Variants in SPAG16 observed in about 807,000 individuals in gnomAD.
SPAG16 encodes the protein sperm associated antigen 16.
SPAG16 carries 86 observed loss-of-function variants against 80.4 expected under a neutral mutation model. That is an observed-to-expected ratio of 1.07 (90% confidence interval 0.90 to 1.28). SPAG16 has a LOEUF of 1.28. SPAG16 is among the 50% of genes most tolerant of loss of function. The pLI is 0.00. For synonymous variants in SPAG16, 294 were observed against 265.9 expected, an observed-to-expected ratio of 1.11 and a Z score of -1.03; for missense variants, 870 against 765.3, an observed-to-expected ratio of 1.14 and a Z score of -1.61.
At chr2:213,995,033 T>A (rs1367492272) in intron 12 of SPAG16, among the ~76,000 whole-genome samples, 1 of 152,232 alleles carries the variant, frequency 6.6e-6, no homozygotes, top group Non-Finnish European at 1.5e-5. Context: ...ATTAAAAATA[T>A]GCTTTGATGG....
intron 10 of SPAG16, among the ~76,000 whole-genome samples, chr2:213,540,475 A>T (rs1449718360): frequency 1.4e-4 from 21 of 152,200 alleles, no homozygotes. Context: ...TTATTTTCAT[A>T]AATGTAAATA....
intron 9 of SPAG16, among the ~76,000 whole-genome samples, chr2:213,376,768 G>A (rs762031194): frequency 7.2e-5 from 11 of 152,076 alleles, no homozygotes; most frequent in Non-Finnish European, 1.3e-4. Context: ...TGCTATGTCT[G>A]TAAATTAATA....
At chr2:213,748,083 C>A (rs908817032) in intron 10 of SPAG16, among the ~76,000 whole-genome samples, 3 of 151,918 alleles carry the variant, frequency 2.0e-5, no homozygotes, top group African/African-American at 7.3e-5. Flanking sequence ...TGTATCAATT[C>A]TTTTTTTTCT....
At chr2:214,390,146 T>C (rs1367948026) in intron 15 of SPAG16, among the ~76,000 whole-genome samples, 1 of 152,160 alleles carries the variant, frequency 6.6e-6, no homozygotes, top group Non-Finnish European at 1.5e-5. Flanking sequence ...ATTTTGTATT[T>C]CTTGCATTTC....
At chr2:213,489,612 G>C (rs1181283453) in intron 9 of SPAG16, among the ~76,000 whole-genome samples, 1 of 152,052 alleles carries the variant, frequency 6.6e-6, no homozygotes, top group Non-Finnish European at 1.5e-5. Flanking sequence ...TTCGACTGCT[G>C]ACACTACGGT....
intron 12 of SPAG16, 50 bp downstream of exon 12, chr2:213,930,195 TG>T (rs2078687702): frequency 7.2e-7 from 1 of 1,395,934 alleles, no homozygotes; most frequent in African/African-American, 1.5e-5. Context: ...TACATATACG[TG>T]GGTAAAGTGG....
chr2:213,910,394 C>G (rs1226949701), intron 11 of SPAG16, among the ~76,000 whole-genome samples: 1 of 151,520 alleles, frequency 6.6e-6, no homozygotes, highest in Non-Finnish European at 1.5e-5. Context: ...CAAAACAAAA[C>G]AAAAGTCTTA....
chr2:213,996,363 T>A (rs1225297333), intron 12 of SPAG16, among the ~76,000 whole-genome samples: 1 of 152,144 alleles, frequency 6.6e-6, no homozygotes, highest in African/African-American at 2.4e-5. Flanking sequence ...GACATGGAAA[T>A]TAAATCATAT....
rs541133841 is a variant in SPAG16, at chr2:213,317,480, A to G, written c.536+124A>G. The G allele has an allele frequency of 5.7e-4, 779 of 1,365,416 alleles. 5 individuals are homozygous for G. The highest frequency in any genetic ancestry group is 5.4e-3 in the South Asian group (269 of 49,968). 84.6% of individuals were successfully genotyped at this position (1,365,416 alleles called of 1,614,324 possible). A position where few individuals can be genotyped will look rare whatever the true frequency, so the allele number is the denominator to read the frequency against. ...TTGAAAACTGAATTTTTCTAGTTGT[A>G]AAGAATGTGAGAGGCTTCATTAGCA... On this transcript the variant is annotated intron_variant, in intron 5 of 15. Coordinates refer to ENST00000331683, the MANE Select transcript of SPAG16 (RefSeq NM_024532.5).
chr2:213,548,939 G>T (rs1211911338), intron 10 of SPAG16, among the ~76,000 whole-genome samples: 1 of 151,756 alleles, frequency 6.6e-6, no homozygotes, highest in Non-Finnish European at 1.5e-5. Context: ...ATTTGTCCTG[G>T]CTTGTCATAT....
At chr2:214,382,288 A>G (rs1218894263) in intron 15 of SPAG16, among the ~76,000 whole-genome samples, 1 of 152,260 alleles carries the variant, frequency 6.6e-6, no homozygotes, top group Non-Finnish European at 1.5e-5. Context: ...GCAAAGAAGC[A>G]TAATTCATCC....
intron 15 of SPAG16, among the ~76,000 whole-genome samples, chr2:214,317,343 T>G (rs1295254407): frequency 1.3e-5 from 2 of 152,160 alleles, no homozygotes; most frequent in African/African-American, 4.8e-5. Flanking sequence ...TAAAAATAAT[T>G]TGAGCACATA....
intron 6 of SPAG16, among the ~76,000 whole-genome samples, chr2:213,344,216 A>T (rs995134900): frequency 6.6e-6 from 1 of 152,086 alleles, no homozygotes; most frequent in African/African-American, 2.4e-5. Context: ...TTGCAGAAAA[A>T]TTGAGGCTAT....
intron 10 of SPAG16, among the ~76,000 whole-genome samples, chr2:213,616,347 GTTTAC>G (rs1208570078): frequency 6.6e-6 from 1 of 152,184 alleles, no homozygotes; most frequent in Non-Finnish European, 1.5e-5. Flanking sequence ...ACTATTTCTT[GTTTAC>G]TTTTCTTTCC....
intron 14 of SPAG16, among the ~76,000 whole-genome samples, chr2:214,121,325 G>A (rs1008610821): frequency 2.6e-5 from 4 of 151,648 alleles, no homozygotes; most frequent in Non-Finnish European, 4.4e-5. Flanking sequence ...CAAATTCTGC[G>A]GATGCTTAGC....
intron 10 of SPAG16, among the ~76,000 whole-genome samples, chr2:213,539,649 T>A (rs2076363723): frequency 6.6e-6 from 1 of 152,214 alleles, no homozygotes; most frequent in South Asian, 2.1e-4. Context: ...ATTTAGTGCT[T>A]CACTGTGTTA....
intron 10 of SPAG16, among the ~76,000 whole-genome samples, chr2:213,833,493 TA>T (rs373775139): frequency 0.019 from 39 of 2,048 alleles, 10 homozygotes; most frequent in South Asian, 0.15. Flanking sequence ...ATATTATATA[TA>T]ATATATATAT....
intron 15 of SPAG16, among the ~76,000 whole-genome samples, chr2:214,236,101 C>T (rs1428891985): frequency 1.3e-5 from 2 of 152,094 alleles, no homozygotes; most frequent in African/African-American, 4.8e-5. Flanking sequence ...AGGGCCTACC[C>T]ATCTGCCAGA....
intron 13 of SPAG16, among the ~76,000 whole-genome samples, chr2:214,063,773 G>T (rs1023768252): frequency 6.6e-6 from 1 of 152,026 alleles, no homozygotes; most frequent in Non-Finnish European, 1.5e-5. Context: ...CCATTTCCAT[G>T]AGGCCATGCC....
Sources: allele counts gnomAD v4.1 joint callset (sites outside exome capture counted in the v4.1 genomes callset), GRCh38; gene constraint gnomAD v4.1.1; transcripts MANE v1.5; gene names NCBI Gene and HGNC (gene_info 2026-07-23, HGNC 2026-07-21).